ELP4: variants seen among roughly 807,000 people sequenced by gnomAD.
ELP4 encodes elongator complex protein 4.
ELP4 carries 51 observed loss-of-function variants against 48.9 expected under a neutral mutation model. That is an observed-to-expected ratio of 1.04 (90% CI 0.83 to 1.32). The LOEUF (loss-of-function observed/expected upper bound fraction) is 1.32, where lower values mean the gene tolerates loss of function less well. Ranked by LOEUF, ELP4 falls within the 40% of genes most tolerant of loss-of-function variation. The pLI is 0.00. For synonymous variants in ELP4, 210 were observed against 189.2 expected (o/e 1.11, Z -0.90); for missense variants, 519 against 514.6 (o/e 1.01, Z -0.08).
chr11:31,538,870 C>G (rs1956548605), intron 2 of ELP4, among the ~76,000 whole-genome samples: 1 of 152,046 alleles, frequency 6.6e-6, no homozygotes, highest in African/African-American at 2.4e-5. Flanking sequence ...TTCCTCTTTT[C>G]TGAAAAGAGT....
At chr11:31,517,118 G>C (rs1956128218) in intron 1 of ELP4, among the ~76,000 whole-genome samples, 1 of 151,960 alleles carries the variant, frequency 6.6e-6, no homozygotes, top group Non-Finnish European at 1.5e-5. Flanking sequence ...TATGTTACCA[G>C]ATTTCAAACT....
chr11:31,773,285 C>T (rs2134273851), intron 9 of ELP4, among the ~76,000 whole-genome samples: 1 of 152,292 alleles, frequency 6.6e-6, no homozygotes, highest in East Asian at 1.9e-4. Context: ...TTGCAAGAAA[C>T]AGATACCACC....
At chr11:31,638,979 C>T (rs1945034820) in intron 7 of ELP4, among the ~76,000 whole-genome samples, 1 of 151,754 alleles carries the variant, frequency 6.6e-6, no homozygotes, top group East Asian at 1.9e-4. Flanking sequence ...TATTTTTTAT[C>T]TAATTGTTGA....
chr11:31,726,606 T>G (rs1356024104), intron 9 of ELP4, among the ~76,000 whole-genome samples: 1 of 151,934 alleles, frequency 6.6e-6, no homozygotes, highest in African/African-American at 2.4e-5. Flanking sequence ...GGTCTCTACT[T>G]AAAATTTGTA....
chr11:31,778,866 G>C (rs1948305393), intron 9 of ELP4, among the ~76,000 whole-genome samples: 1 of 152,060 alleles, frequency 6.6e-6, no homozygotes, highest in African/African-American at 2.4e-5. Context: ...TTTGTTTTTT[G>C]AGACAGTTAC....
chr11:31,692,993 G>C (rs1289321094), intron 9 of ELP4, among the ~76,000 whole-genome samples: 1 of 151,928 alleles, frequency 6.6e-6, no homozygotes, highest in Non-Finnish European at 1.5e-5. Context: ...CGTAAATAGA[G>C]ACCACAAGTG....
intron 9 of ELP4, among the ~76,000 whole-genome samples, chr11:31,672,733 G>A (rs1157725624): frequency 6.6e-6 from 1 of 152,148 alleles, no homozygotes; most frequent in Non-Finnish European, 1.5e-5. Context: ...AGGCTATGGT[G>A]AGCCATGATT....
chr11:31,598,766 C>G (rs1957725179), intron 4 of ELP4: 1 of 152,044 alleles, frequency 6.6e-6, no homozygotes, highest in South Asian at 2.1e-4. Context: ...TCACCTTGGC[C>G]TCCTGAAGTG....
At chr11:31,613,451 A>C (rs1393578189) in intron 5 of ELP4, among the ~76,000 whole-genome samples, 1 of 152,192 alleles carries the variant, frequency 6.6e-6, no homozygotes, top group Non-Finnish European at 1.5e-5. Flanking sequence ...TTATTGAAAT[A>C]CATAGTAATA....
intron 9 of ELP4, among the ~76,000 whole-genome samples, chr11:31,757,444 C>T (rs1255821706): frequency 1.3e-5 from 2 of 152,030 alleles, no homozygotes; most frequent in African/African-American, 4.8e-5. Flanking sequence ...AAGCAAGCAG[C>T]CTGTCGTTTG....
chr11:31,622,237 T>G (rs1463022141), intron 5 of ELP4, among the ~76,000 whole-genome samples: 1 of 151,860 alleles, frequency 6.6e-6, no homozygotes, highest in Admixed American at 6.6e-5. Flanking sequence ...TTTTTGTAAC[T>G]TAACCTTTTC....
chr11:31,624,449 G>T (rs1404201833), intron 5 of ELP4, among the ~76,000 whole-genome samples: 2 of 151,378 alleles, frequency 1.3e-5, no homozygotes, highest in Non-Finnish European at 3.0e-5. Context: ...AGATAAAAAG[G>T]GGTACACCTG....
intron 9 of ELP4, among the ~76,000 whole-genome samples, chr11:31,731,550 T>C (rs917307659): frequency 1.4e-5 from 2 of 138,250 alleles, no homozygotes; most frequent in African/African-American, 6.1e-5. Context: ...AGGGGACTTA[T>C]GGTACACCAT....
At chr11:31,533,680 G>A (rs1368015600) in intron 2 of ELP4, among the ~76,000 whole-genome samples, 2 of 151,302 alleles carry the variant, frequency 1.3e-5, no homozygotes, top group East Asian at 2.0e-4. Flanking sequence ...GAGCCACCGC[G>A]CCCGGCCTGA....
At chr11:31,739,460 T>G (rs1298837217) in intron 9 of ELP4, among the ~76,000 whole-genome samples, 1 of 152,190 alleles carries the variant, frequency 6.6e-6, no homozygotes, top group Non-Finnish European at 1.5e-5. Context: ...CTATGGAATT[T>G]GTTTCCTTGA....
In ELP4 at chr11:31,513,116, G is replaced by A. The variant is rs939091309; in HGVS notation, c.223+3109G>A. ...TTTATTATGTTAATGTGTAGCATGG[G>A]ATAATATACATTGAGCTTGGACTAC... On this transcript the variant is annotated intron_variant, in intron 1 of 9. Transcript: ENST00000640961. 3.3e-5 allele frequency among the ~76,000 whole-genome samples: 5 copies of A among 152,142 alleles called. No homozygotes were observed. In the South Asian group the frequency reaches 1.0e-3, roughly 32 times the overall value.
chr11:31,732,891 A>G (rs1176351829), intron 9 of ELP4, among the ~76,000 whole-genome samples: 4 of 152,200 alleles, frequency 2.6e-5, no homozygotes, highest in Non-Finnish European at 5.9e-5. Context: ...ATATAAATGT[A>G]CCCAGCATCA....
At chr11:31,641,961 A>C (rs888678264) in intron 7 of ELP4, among the ~76,000 whole-genome samples, 1 of 151,946 alleles carries the variant, frequency 6.6e-6, no homozygotes, top group Non-Finnish European at 1.5e-5. Context: ...TTAGGGTTTC[A>C]AGTATCAAAG....
intron 3 of ELP4, among the ~76,000 whole-genome samples, chr11:31,593,344 C>G (rs1179754249): frequency 6.6e-6 from 1 of 151,982 alleles, no homozygotes; most frequent in East Asian, 1.9e-4. Flanking sequence ...CCTCAACCTC[C>G]TGGGCTCAAG....
Sources: allele counts gnomAD v4.1 joint callset (sites outside exome capture counted in the v4.1 genomes callset), GRCh38; gene constraint gnomAD v4.1.1; transcripts MANE v1.5; gene names NCBI Gene and HGNC (gene_info 2026-07-23, HGNC 2026-07-21).